The following PDK1 variants were observed in gnomAD, a reference collection of about 807,000 sequenced individuals.
PDK1 encodes [Pyruvate dehydrogenase (acetyl-transferring)] kinase isozyme 1, mitochondrial.
PDK1 carries 39 observed loss-of-function variants against 54.2 expected under a neutral mutation model. The observed-to-expected ratio is 0.72, with a 90% CI of 0.56 to 0.94. The LOEUF (loss-of-function observed/expected upper bound fraction) is 0.94. PDK1 is among the 40% of genes least tolerant of loss of function. The probability of loss-of-function intolerance (pLI) is 0.00; values close to 1 mark genes in which losing one functional copy is unlikely to be tolerated. For missense variants in PDK1, 552 were observed against 566.0 expected, an observed-to-expected ratio of 0.98 and a Z score of 0.25; for synonymous variants, 221 against 207.1, an observed-to-expected ratio of 1.07 and a Z score of -0.58.
chr2:172,688,843 T>C, the PDK1 span, among the ~76,000 whole-genome samples: 1 of 152,112 alleles, frequency 6.6e-6, no homozygotes, highest in Admixed American at 6.5e-5. Context: ...TCAACTATCT[T>C]CCCCACAGCA....
chr2:172,562,487 A>G (rs139299009), intron 3 of PDK1, among the ~76,000 whole-genome samples, 196 bp downstream of exon 3: 249 of 152,372 alleles, frequency 1.6e-3, no homozygotes, highest in African/African-American at 5.7e-3. Flanking sequence ...AACAAAAGAC[A>G]AAGTTCAGGT....
Position 172,596,880 on chromosome 2 carries a change from C to G in PDK1, c.*911C>G, listed in dbSNP as rs1220320037. The G allele has an allele frequency of 1.3e-5, 2 of 152,138 alleles. No homozygotes were observed. The highest frequency in any genetic ancestry group is 4.8e-5 in the African/African-American group (2 of 41,416). The allele number at this position is 152,138 out of a possible 1,614,324, so 9.4% of individuals were successfully genotyped here. A position where few individuals can be genotyped will look rare whatever the true frequency, so the allele number is the denominator to read the frequency against. ...CTTCCAAGGTAAGTCTGATGCCTAC[C>G]CTAGGTTGGGAACCACTCTTTCAAA... On this transcript the variant is annotated 3_prime_UTR_variant, in exon 11 of 11. Transcript: ENST00000282077.
chr2:172,662,026 T>C, the PDK1 span, among the ~76,000 whole-genome samples: 19 of 152,330 alleles, frequency 1.2e-4, no homozygotes, highest in African/African-American at 4.6e-4. Flanking sequence ...GTGTCTGTAG[T>C]TGTTACAATG....
At chr2:172,689,414 G>A in the PDK1 span, among the ~76,000 whole-genome samples, 1 of 152,184 alleles carries the variant, frequency 6.6e-6, no homozygotes, top group Non-Finnish European at 1.5e-5. Flanking sequence ...CGTGAAAATG[G>A]CCATATTGCC....
At chr2:172,615,670 G>A in the PDK1 span, among the ~76,000 whole-genome samples, 3 of 151,832 alleles carry the variant, frequency 2.0e-5, no homozygotes, top group African/African-American at 4.8e-5. Flanking sequence ...GCTTCACCAA[G>A]GGTAAGTAAT....
chr2:172,621,853 G>A, the PDK1 span, among the ~76,000 whole-genome samples: 3 of 140,306 alleles, frequency 2.1e-5, no homozygotes, highest in Non-Finnish European at 3.1e-5. Context: ...TATGATACAT[G>A]TTTATATCTC....
the PDK1 span, among the ~76,000 whole-genome samples, chr2:172,654,997 A>G: frequency 3.3e-5 from 5 of 152,172 alleles, no homozygotes; most frequent in African/African-American, 1.2e-4. Flanking sequence ...TCCCCAAGCC[A>G]CTACCCCATA....
chr2:172,584,508 C>A (rs1412816691), intron 8 of PDK1, among the ~76,000 whole-genome samples: 1 of 151,506 alleles, frequency 6.6e-6, no homozygotes, highest in Non-Finnish European at 1.5e-5. Flanking sequence ...CTTAACTAAT[C>A]CCCTATTTAG....
the PDK1 span, among the ~76,000 whole-genome samples, chr2:172,648,719 G>T: frequency 8.5e-5 from 13 of 152,194 alleles, no homozygotes; most frequent in Admixed American, 8.5e-4. Flanking sequence ...CCATGCCCAT[G>T]GAGCCTCTCT....
At chr2:172,684,423 A>G in the PDK1 span, among the ~76,000 whole-genome samples, 3 of 152,194 alleles carry the variant, frequency 2.0e-5, no homozygotes, top group African/African-American at 7.2e-5. Context: ...CCCCATCTCA[A>G]AATAAAATAA....
intron 8 of PDK1, among the ~76,000 whole-genome samples, chr2:172,573,694 C>A (rs1689422372): frequency 6.6e-6 from 1 of 151,492 alleles, no homozygotes; most frequent in Non-Finnish European, 1.5e-5. Flanking sequence ...GGTTACTAGT[C>A]CCTGATGAGA....
the PDK1 span, among the ~76,000 whole-genome samples, chr2:172,647,764 T>G: frequency 6.6e-6 from 1 of 152,150 alleles, no homozygotes; most frequent in Non-Finnish European, 1.5e-5. Flanking sequence ...AGGTAAAAAT[T>G]TGATGAGAAA....
chr2:172,719,277 C>T, the PDK1 span, among the ~76,000 whole-genome samples: 5 of 151,992 alleles, frequency 3.3e-5, no homozygotes, highest in Non-Finnish European at 5.9e-5. Context: ...TATAAATAGT[C>T]GTGTACAGGT....
chr2:172,622,832 AATATG>A, the PDK1 span, among the ~76,000 whole-genome samples: 10 of 147,308 alleles, frequency 6.8e-5, no homozygotes, highest in African/African-American at 2.0e-4. Context: ...TATTATATGT[AATATG>A]ATATATGTTT....
chr2:172,713,080 G>GCC, the PDK1 span, among the ~76,000 whole-genome samples: 1 of 152,178 alleles, frequency 6.6e-6, no homozygotes, highest in African/African-American at 2.4e-5. Context: ...CCTCAGTGGA[G>GCC]AGGAGACCTG....
At chr2:172,555,954 C>T (rs1340455263), upstream of PDK1, 2 of 405,124 alleles carry the variant, frequency 4.9e-6, no homozygotes, top group Non-Finnish European at 8.6e-6. Context: ...GCGCCCGCCC[C>T]TTTTCTCTCC....
chr2:172,622,029 A>G, the PDK1 span, among the ~76,000 whole-genome samples: 3 of 149,876 alleles, frequency 2.0e-5, no homozygotes, highest in African/African-American at 7.3e-5. Flanking sequence ...CATATCTCGT[A>G]TATACGTTTA....
At position 172,607,640 on chromosome 2, in the gene PDK1, A is replaced by G. The variant is rs772126747; in HGVS notation, c.*11671A>G. 8.5e-5 allele frequency: 13 copies of G among 152,268 alleles called. No homozygotes were observed. Among genetic ancestry groups the G allele is most frequent in the African/African-American group, 2.9e-4 (12 of 41,436 alleles). 9.4% of individuals were successfully genotyped at this position (152,268 alleles called of 1,614,324 possible). A position where few individuals can be genotyped will look rare whatever the true frequency, so the allele number is the denominator to read the frequency against. On this transcript the variant is annotated 3_prime_UTR_variant, in exon 11 of 11. Coordinates refer to ENST00000282077, the MANE Select transcript of PDK1 (RefSeq NM_002610.5). ...GTATCGTGATGGTGAACCCAAAACAATGGTACTAGGAAGGAGGTTGGCCAA... is the reference window on the plus strand; with the variant it reads ...GTATCGTGATGGTGAACCCAAAACAGTGGTACTAGGAAGGAGGTTGGCCAA...
At chr2:172,612,796 AT>A (rs1336372191), downstream of PDK1, among the ~76,000 whole-genome samples, 1 of 151,890 alleles carries the variant, frequency 6.6e-6, no homozygotes, top group Non-Finnish European at 1.5e-5. Flanking sequence ...AGTAGCTGGG[AT>A]TACAGAGGCA....
Sources: gnomAD v4.1 joint callset for allele counts (sites outside exome capture counted in the v4.1 genomes callset) on GRCh38, gnomAD v4.1.1 for gene constraint, MANE v1.5 for transcripts, NCBI Gene and HGNC (gene_info 2026-07-23, HGNC 2026-07-21) for gene names.